The following PITPNM3 variants were observed in gnomAD, a reference collection of about 807,000 sequenced individuals.
PITPNM3 encodes the protein PITPNM family member 3.
A neutral mutation model predicts 102.0 loss-of-function variants in PITPNM3; 26 were observed. That is an observed-to-expected ratio of 0.25 (90% CI 0.19 to 0.35). PITPNM3 has a LOEUF of 0.35. Among genes scored for constraint, PITPNM3 ranks in the 10% least tolerant of loss-of-function variants. The pLI, the probability that PITPNM3 is intolerant of heterozygous loss-of-function variation, is 1.00. For missense variants in PITPNM3, 1,083 were observed against 1,346.1 expected, an observed-to-expected ratio of 0.80 and a Z score of 3.06; for synonymous variants, 578 against 558.6, an observed-to-expected ratio of 1.03 and a Z score of -0.49.
intron 3 of PITPNM3, among the ~76,000 whole-genome samples, chr17:6,507,255 A>G (rs1907584249): frequency 6.6e-6 from 1 of 152,124 alleles, no homozygotes; most frequent in African/African-American, 2.4e-5. Flanking sequence ...AAGTACCCCC[A>G]CACATATGCA....
Position 6,455,636 on chromosome 17 carries a change from C to G in PITPNM3, c.2627G>C (p.Ser876Thr). ...KKYQTQCQFL[S>T]EGYAAHLAAL... ...GGCCAGGTGTGCGGCGTAGCCCTCGCTCAGGAACTGCGGAGGGCAGGGGAG... is the reference window on the plus strand; with the variant it reads ...GGCCAGGTGTGCGGCGTAGCCCTCGGTCAGGAACTGCGGAGGGCAGGGGAG... Residue 876 changes from serine to threonine, a missense_variant, in exon 20 of 20, where the codon AGC (serine) becomes ACC (threonine). Ser to Thr is a moderately conservative substitution (Grantham distance 58, BLOSUM62 1). Transcript: ENST00000262483. 1 of 1,484,980 alleles carries G rather than the reference C, an allele frequency of 6.7e-7. No homozygotes were observed. Among genetic ancestry groups the G allele is most frequent in the Non-Finnish European group, 8.9e-7 (1 of 1,129,628 alleles). 92.0% of individuals were successfully genotyped at this position (1,484,980 alleles called of 1,614,324 possible).
chr17:6,507,413 G>A lies in PITPNM3; in HGVS notation c.227-3839C>T, dbSNP rs533621109. 2.3e-3 allele frequency among the ~76,000 whole-genome samples: 333 copies of A among 145,380 alleles called. 1 individual carries two copies. The highest frequency in any genetic ancestry group is 7.6e-3 in the African/African-American group (310 of 40,666). ...AGCCTGGCCAACATGGTGAAACCCC[G>A]TCTCTACTAAAAATACAAAAATTAG... is the stretch of plus-strand genomic sequence containing the variant. On this transcript the variant is annotated intron_variant, in intron 3 of 19. Coordinates refer to ENST00000262483, the MANE Select transcript of PITPNM3 (RefSeq NM_031220.4).
chr17:6,548,426 A>G (rs1910141604), intron 1 of PITPNM3, among the ~76,000 whole-genome samples: 1 of 152,166 alleles, frequency 6.6e-6, no homozygotes, highest in South Asian at 2.1e-4. Context: ...AGCTGAAAAT[A>G]GCTCTTTTTA....
chr17:6,464,711 G>C lies in PITPNM3; in HGVS notation c.1951C>G (p.Leu651Val). The change falls in exon 15 of 20, where the codon CTG becomes GTG. Residue 651 changes from leucine (L) to valine (V), a missense_variant. Around this residue, in one of 5 missense-constraint regions of PITPNM3, gnomAD observed 410 missense variants for 638.4 expected, o/e 0.64. Transcript: ENST00000262483. The part of the protein sequence containing the change: ...VIAAEDGPQV[L>V]VGRFMYGPLD... ...GGCCCGTACATGAACCGCCCCACCA[G>C]GACCTGGGGGCCATCTTCAGCAGCA... 1 of 1,614,190 alleles carries C rather than the reference G, an allele frequency of 6.2e-7. No individual in the cohort carries two copies. Among genetic ancestry groups the C allele is most frequent in the Non-Finnish European group, 8.5e-7 (1 of 1,180,034 alleles).
At chr17:6,463,976 T>C (rs1597362316) in intron 16 of PITPNM3, 95 bp from the exon 17 acceptor site, 3 of 1,571,358 alleles carry the variant, frequency 1.9e-6, no homozygotes, top group East Asian at 4.6e-5. Flanking sequence ...GAGCTCAGTC[T>C]GGGTCAAGGT....
intron 1 of PITPNM3, among the ~76,000 whole-genome samples, chr17:6,554,486 C>T (rs1310431900): frequency 6.6e-6 from 1 of 152,048 alleles, no homozygotes. Context: ...ATCTGTGTTG[C>T]CTCGAGGGAA....
intron 3 of PITPNM3, among the ~76,000 whole-genome samples, chr17:6,520,134 G>A (rs552150858): frequency 8.0e-4 from 122 of 152,232 alleles, no homozygotes; most frequent in African/African-American, 2.7e-3. Flanking sequence ...ACTAGAAACT[G>A]GGTAAAGACA....
intron 4 of PITPNM3, among the ~76,000 whole-genome samples, chr17:6,492,669 C>T (rs1906565850): frequency 6.6e-6 from 1 of 151,844 alleles, no homozygotes; most frequent in African/African-American, 2.4e-5. Context: ...CCAGCCTGGC[C>T]AACATGGTGA....
chr17:6,521,611 C>T (rs1295519817), intron 3 of PITPNM3, among the ~76,000 whole-genome samples: 1 of 150,606 alleles, frequency 6.6e-6, no homozygotes, highest in Non-Finnish European at 1.5e-5. Flanking sequence ...GGATCCCTTT[C>T]CATTAAAAAA....
intron 9 of PITPNM3, among the ~76,000 whole-genome samples, chr17:6,475,580 T>C (rs890267255): frequency 1.3e-5 from 2 of 152,234 alleles, no homozygotes; most frequent in African/African-American, 2.4e-5. Flanking sequence ...TCTTGCAGTG[T>C]GAGCATCTCA....
At chr17:6,547,875 T>G (rs186672941) in intron 1 of PITPNM3, among the ~76,000 whole-genome samples, 1 of 152,180 alleles carries the variant, frequency 6.6e-6, no homozygotes, top group Non-Finnish European at 1.5e-5. Context: ...ATTACAGGCA[T>G]GCACCACCAT....
rs542520491 is a variant in PITPNM3, at chr17:6,455,140, C to T, written c.*198G>A. 319 of 660,666 alleles carry T rather than the reference C, an allele frequency of 4.8e-4. 1 individual carries two copies. The African/African-American group carries it at 5.5e-3, about 11-fold the overall frequency. 40.9% of individuals were successfully genotyped at this position (660,666 alleles called of 1,614,324 possible). A position where few individuals can be genotyped will look rare whatever the true frequency, so the allele number is the denominator to read the frequency against. ...GCAGCAGTGGCTGCACCGAGATCCC[C>T]GGACCTCACCCCGTCGCAGCTCAGG... On this transcript the variant is annotated 3_prime_UTR_variant, in exon 20 of 20. Coordinates refer to ENST00000262483, the MANE Select transcript of PITPNM3 (RefSeq NM_031220.4).
intron 1 of PITPNM3, 126 bp from the exon 2 acceptor site, chr17:6,538,208 G>A (rs1256401356): frequency 2.7e-6 from 2 of 730,016 alleles, no homozygotes; most frequent in Admixed American, 4.0e-5. Context: ...CTCCCTCCGA[G>A]GCCTCAGACC....
At chr17:6,463,315 C>T (rs114860390) in intron 17 of PITPNM3, among the ~76,000 whole-genome samples, 1,566 of 152,184 alleles carry the variant, frequency 0.01, 33 homozygotes, top group African/African-American at 0.036. Flanking sequence ...CCCCACCAGA[C>T]TCTGAGTGTC....
intron 1 of PITPNM3, among the ~76,000 whole-genome samples, chr17:6,544,474 T>C (rs1376467453): frequency 1.3e-5 from 2 of 152,004 alleles, no homozygotes; most frequent in Non-Finnish European, 2.9e-5. Flanking sequence ...TGAGGCTGCA[T>C]TGAGCCATGA....
chr17:6,528,207 G>A (rs762527201), intron 2 of PITPNM3, among the ~76,000 whole-genome samples: 2 of 152,180 alleles, frequency 1.3e-5, no homozygotes, highest in South Asian at 4.2e-4. Flanking sequence ...TGCCACATCC[G>A]TATCTCTCTC....
chr17:6,524,693 C>T (rs1908725437), intron 3 of PITPNM3, among the ~76,000 whole-genome samples: 1 of 152,180 alleles, frequency 6.6e-6, no homozygotes, highest in Non-Finnish European at 1.5e-5. Context: ...ACGTGTCACA[C>T]ATCACAAGAC....
chr17:6,473,110 CT>C, intron 10 of PITPNM3: 1 of 481,762 alleles, frequency 2.1e-6, no homozygotes, highest in Non-Finnish European at 3.8e-6. Context: ...ATCCCTTCTC[CT>C]TGTGGGCCCT....
At chr17:6,473,570 GACGGTCTGT>G (rs1410918934) in intron 10 of PITPNM3, among the ~76,000 whole-genome samples, 1 of 152,156 alleles carries the variant, frequency 6.6e-6, no homozygotes, top group East Asian at 1.9e-4. Flanking sequence ...TGCAGCCTCA[GACGGTCTGT>G]ACTTCTGTCC....
Sources: allele counts gnomAD v4.1 joint callset (sites outside exome capture counted in the v4.1 genomes callset), GRCh38; gene constraint gnomAD v4.1.1; regional missense constraint gnomAD v4.1.1; transcripts MANE v1.5; gene names NCBI Gene and HGNC (gene_info 2026-07-23, HGNC 2026-07-21).